Variants in GNB5 observed in about 807,000 individuals in gnomAD.
The protein encoded by GNB5 is guanine nucleotide-binding protein subunit beta-5.
In GNB5, 37 loss-of-function variants were observed where a neutral mutation model predicts 55.3. The observed-to-expected ratio is 0.67, with a 90% CI of 0.51 to 0.88. The LOEUF (loss-of-function observed/expected upper bound fraction) is 0.88. GNB5 is among the 40% of genes least tolerant of loss of function. The pLI is 0.00. For missense variants in GNB5, 476 were observed against 515.3 expected, an observed-to-expected ratio of 0.92 and a Z score of 0.74; for synonymous variants, 219 against 198.5, an observed-to-expected ratio of 1.10 and a Z score of -0.87.
chr15:52,120,706 T>G lies in GNB5; in HGVS notation c.*2051A>C, dbSNP rs1311069436. The G allele has an allele frequency of 6.6e-6, 1 of 152,012 alleles. No individual in the cohort carries two copies. Among genetic ancestry groups the G allele is most frequent in the Non-Finnish European group, 1.5e-5 (1 of 68,044 alleles). The allele number at this position is 152,012 out of a possible 1,614,324, so 9.4% of individuals were successfully genotyped here. A position where few individuals can be genotyped will look rare whatever the true frequency, so the allele number is the denominator to read the frequency against. On this transcript the variant is annotated 3_prime_UTR_variant, in exon 13 of 13. Coordinates refer to ENST00000261837, the MANE Select transcript of GNB5 (RefSeq NM_016194.4). ...TGCACCAGGGGCCACTGTGGGACAT[T>G]CTGGAGCAGAGCTCAGGAATCCCAT...
At chr15:52,152,354 C>T (rs1596080031) in intron 4 of GNB5, among the ~76,000 whole-genome samples, 1 of 151,608 alleles carries the variant, frequency 6.6e-6, no homozygotes, top group South Asian at 2.1e-4. Context: ...AAAACAGTCT[C>T]GCCCTGTTGC....
intron 9 of GNB5, among the ~76,000 whole-genome samples, chr15:52,130,206 C>A (rs1248138761): frequency 1.3e-5 from 2 of 152,196 alleles, no homozygotes; most frequent in Non-Finnish European, 2.9e-5. Flanking sequence ...GTGATTTGGG[C>A]TTCTCTCATA....
intron 3 of GNB5, among the ~76,000 whole-genome samples, chr15:52,173,833 A>C (rs1848573857): frequency 6.6e-6 from 1 of 152,162 alleles, no homozygotes. Context: ...AAGAGAAGGA[A>C]ATGTTTTGTG....
chr15:52,149,544 G>A (rs2034047357), intron 5 of GNB5: 1 of 569,772 alleles, frequency 1.8e-6, no homozygotes, highest in African/African-American at 1.9e-5. Context: ...AGAGAGAATG[G>A]AGAATTTTGG....
At chr15:52,188,331 C>A (rs2034873942) in intron 1 of GNB5, among the ~76,000 whole-genome samples, 1 of 152,006 alleles carries the variant, frequency 6.6e-6, no homozygotes, top group East Asian at 1.9e-4. Context: ...AAATATTATA[C>A]ATATGCATTG....
chr15:52,154,619 A>C (rs1221972859), intron 3 of GNB5, among the ~76,000 whole-genome samples: 1 of 152,188 alleles, frequency 6.6e-6, no homozygotes, highest in Non-Finnish European at 1.5e-5. Flanking sequence ...ACAGGACTAT[A>C]AGGTACACCC....
Position 52,119,168 on chromosome 15 carries a change from AGAG to A in GNB5, c.*3586_*3588del, listed in dbSNP as rs1049070788. 7.2e-6 allele frequency: 1 copy of A among 138,110 alleles called. No homozygotes were observed. Among genetic ancestry groups the A allele is most frequent in the Non-Finnish European group, 1.5e-5 (1 of 64,758 alleles). 8.6% of individuals were successfully genotyped at this position (138,110 alleles called of 1,614,324 possible). The stretch of plus-strand genomic sequence containing the variant: ...AGAGGTGGAACAGGGAGACAGAGGA[AGAG>A]GAGATGAGGAATGGGGGAAGATTGA... On this transcript the variant is annotated 3_prime_UTR_variant, in exon 13 of 13. Coordinates refer to ENST00000261837, the MANE Select transcript of GNB5 (RefSeq NM_016194.4).
At chr15:52,147,594 T>C in intron 5 of GNB5, 59 bp from the exon 6 acceptor site, 105 of 913,508 alleles carry the variant, frequency 1.1e-4, no homozygotes, top group East Asian at 2.5e-4. Context: ...TTTTTTTTTT[T>C]CTTTTTTTTT....
At position 52,120,196 on chromosome 15, in the gene GNB5, T is replaced by C. The variant is rs1402395565; in HGVS notation, c.*2561A>G. The C allele has an allele frequency of 6.6e-6, 1 of 152,194 alleles. No homozygotes were observed. Among genetic ancestry groups the C allele is most frequent in the Non-Finnish European group, 1.5e-5 (1 of 68,036 alleles). The allele number at this position is 152,194 out of a possible 1,614,324, so 9.4% of individuals were successfully genotyped here. A position where few individuals can be genotyped will look rare whatever the true frequency, so the allele number is the denominator to read the frequency against. On this transcript the variant is annotated 3_prime_UTR_variant, in exon 13 of 13. Transcript: ENST00000261837. ...GTTTGGCCCCTTCACCACAATTGGT[T>C]TGGTAGGTTTATCCCCAAGTCCTCT...
At chr15:52,139,386 G>A (rs1358704664) in intron 7 of GNB5, among the ~76,000 whole-genome samples, 2 of 152,180 alleles carry the variant, frequency 1.3e-5, no homozygotes. Context: ...AGCCTGGGTG[G>A]TGGAGGCTTC....
At chr15:52,184,752 C>A (rs2141243798) in intron 1 of GNB5, 58 bp from the exon 2 acceptor site, 2 of 1,423,310 alleles carry the variant, frequency 1.4e-6, no homozygotes, top group East Asian at 4.6e-5. Flanking sequence ...TTTTAACTTT[C>A]TAAAATCTCT....
chr15:52,133,323 A>G, intron 9 of GNB5, 55 bp downstream of exon 9: 1 of 1,238,358 alleles, frequency 8.1e-7, no homozygotes, highest in Non-Finnish European at 1.2e-6. Context: ...AGGATTACCC[A>G]AGCCAGGCAA....
intron 6 of GNB5, chr15:52,143,806 A>G (rs1003215655): frequency 1.3e-5 from 2 of 152,274 alleles, no homozygotes; most frequent in Non-Finnish European, 2.9e-5. Flanking sequence ...TAGAAACTCA[A>G]ATGAATCACA....
At chr15:52,143,138 G>C (rs963079217) in intron 6 of GNB5, among the ~76,000 whole-genome samples, 1 of 151,008 alleles carries the variant, frequency 6.6e-6, no homozygotes, top group African/African-American at 2.4e-5. Context: ...CTGGGCAACA[G>C]AGTGAGATTC....
rs201414726 is a variant in GNB5 at position 52,133,331 on chromosome 15, C to T, written c.863+47G>A. 3 of 1,290,476 alleles carry T rather than the reference C, an allele frequency of 2.3e-6. No homozygotes were observed. In the East Asian group the frequency reaches 6.9e-5, roughly 30 times the overall value. 79.9% of individuals were successfully genotyped at this position (1,290,476 alleles called of 1,614,324 possible). On this transcript the variant is annotated intron_variant, in intron 9 of 12. Transcript: ENST00000261837. ...TGGGCTAAGGATTACCCAAGCCAGG[C>T]AATGCCGGCAGAACAGAGAGGTGGC...
chr15:52,152,409 C>T (rs759596703), intron 4 of GNB5, among the ~76,000 whole-genome samples: 2 of 150,282 alleles, frequency 1.3e-5, no homozygotes, highest in East Asian at 2.0e-4. Flanking sequence ...CTGCAACCTC[C>T]GCCTCCTAGG....
chr15:52,123,807 TGCTACAATTA>T (rs1391842396), intron 12 of GNB5, among the ~76,000 whole-genome samples: 1 of 151,828 alleles, frequency 6.6e-6, no homozygotes, highest in Admixed American at 6.6e-5. Context: ...CCTCCCAAAG[TGCTACAATTA>T]CAGGCATAAG....
chr15:52,126,862 T>C (rs2033444151), intron 10 of GNB5, among the ~76,000 whole-genome samples: 1 of 152,196 alleles, frequency 6.6e-6, no homozygotes, highest in South Asian at 2.1e-4. Flanking sequence ...TGGCGCTATC[T>C]TGGCTCACTG....
At chr15:52,173,617 G>A (rs1048844954) in intron 3 of GNB5, among the ~76,000 whole-genome samples, 5 of 152,306 alleles carry the variant, frequency 3.3e-5, no homozygotes, top group South Asian at 4.1e-4. Context: ...AGAGGTAGAC[G>A]GAACTAGGTC....
Sources: gnomAD v4.1 joint callset for allele counts (sites outside exome capture counted in the v4.1 genomes callset) on GRCh38, gnomAD v4.1.1 for gene constraint, MANE v1.5 for transcripts, NCBI Gene and HGNC (gene_info 2026-07-23, HGNC 2026-07-21) for gene names.